ITGB1: variants seen among roughly 807,000 people sequenced by gnomAD.
The protein encoded by ITGB1 is integrin subunit beta 1.
In ITGB1, 24 loss-of-function variants were observed where a neutral mutation model predicts 86.5. The ratio of observed to expected loss-of-function variants is 0.28; its 90% confidence interval spans 0.20 to 0.39. ITGB1 has a LOEUF of 0.39. Ranked by LOEUF, ITGB1 falls within the 10% of genes least tolerant of loss-of-function variation. The pLI, the probability that ITGB1 is intolerant of heterozygous loss-of-function variation, is 1.00. For synonymous variants in ITGB1, 323 were observed against 316.8 expected, an observed-to-expected ratio of 1.02 and a Z score of -0.21; for missense variants, 556 against 946.9, an observed-to-expected ratio of 0.59 and a Z score of 5.42.
At chr10:32,909,081 A>G (rs2094905498) in intron 14 of ITGB1, among the ~76,000 whole-genome samples, 2 of 152,212 alleles carry the variant, frequency 1.3e-5, no homozygotes, top group African/African-American at 4.8e-5. Context: ...AGTGTCTCAA[A>G]AACACTTTTG....
chr10:32,910,317 A>G lies in ITGB1; in HGVS notation c.2070T>C (p.His690=), dbSNP rs555032553. The change falls in exon 14 of 16, where the codon CAT becomes CAC. Residue 690 remains histidine (H), a synonymous_variant. Coordinates refer to ENST00000302278, the MANE Select transcript of ITGB1 (RefSeq NM_002211.4). ...AGTCGTCAACATCCTTCTCCTTACA[A>G]TGGGACACAGGATCAGGTTGGACCG... is the stretch of plus-strand genomic sequence containing the variant. ...PQPVQPDPVS[H]CKEKDVDDCW... 34 of 1,602,276 alleles carry G rather than the reference A, an allele frequency of 2.1e-5. No individual in the cohort carries two copies. Among genetic ancestry groups the G allele is most frequent in the Admixed American group, 3.3e-5 (2 of 59,854 alleles).
chr10:32,913,630 GAA>G (rs2094921258), intron 11 of ITGB1, among the ~76,000 whole-genome samples: 1 of 152,182 alleles, frequency 6.6e-6, no homozygotes. Context: ...AGAGTAAAAA[GAA>G]ACGAACAAAG....
At chr10:32,947,693 T>G (rs1437733675) in intron 1 of ITGB1, among the ~76,000 whole-genome samples, 1 of 152,184 alleles carries the variant, frequency 6.6e-6, no homozygotes, top group African/African-American at 2.4e-5. Context: ...GGAGATACTC[T>G]GAGGTATCAA....
At chr10:32,919,807 T>C (rs2137196118) in intron 11 of ITGB1, 78 bp downstream of exon 11, 11 of 1,265,828 alleles carry the variant, frequency 8.7e-6, no homozygotes, top group East Asian at 2.3e-5. Context: ...AGATATTCTC[T>C]GGATGTCCCA....
chr10:32,901,554 T>C lies in ITGB1; in HGVS notation c.*16A>G. ...CTACTTTGCATTCAGTGTTGTGGGA[T>C]TTGCACGGGCAGTACTCATTTTCCC... On this transcript the variant is annotated 3_prime_UTR_variant, in exon 16 of 16. Transcript: ENST00000302278. 1 of 1,512,482 alleles carries C rather than the reference T, an allele frequency of 6.6e-7. No homozygotes were observed. The highest frequency in any genetic ancestry group is 2.3e-5 in the East Asian group (1 of 44,250). The allele number at this position is 1,512,482 out of a possible 1,614,324, so 93.7% of individuals were successfully genotyped here.
In ITGB1 at chr10:32,910,335, T is replaced by C. The variant is rs61757100; in HGVS notation, c.2052A>G (p.Gln684=). The C allele has an allele frequency of 6.2e-6, 10 of 1,601,370 alleles. No homozygotes were observed. Among genetic ancestry groups the C allele is most frequent in the South Asian group, 1.1e-5 (1 of 90,804 alleles). ...CCTTACAATGGGACACAGGATCAGG[T>C]TGGACCGGCTGGGGTAATTTGTCCC... ...ESRDKLPQPV[Q]PDPVSHCKEK... Residue 684 remains glutamine, a synonymous_variant, in exon 14 of 16, where the codon CAA becomes CAG. Transcript: ENST00000302278.
intron 15 of ITGB1, chr10:32,907,178 C>CA: frequency 1.1e-6 from 1 of 922,536 alleles, no homozygotes; most frequent in Admixed American, 2.3e-5. Context: ...ATGATTTCAT[C>CA]AGAAAAAAAA....
intron 15 of ITGB1, among the ~76,000 whole-genome samples, chr10:32,905,297 C>G (rs1004804777): frequency 6.6e-6 from 1 of 152,186 alleles, no homozygotes; most frequent in African/African-American, 2.4e-5. Flanking sequence ...TCCTATATCA[C>G]TTGTAACTAT....
chr10:32,933,846 T>C (rs557905392), intron 2 of ITGB1, among the ~76,000 whole-genome samples: 3 of 152,284 alleles, frequency 2.0e-5, no homozygotes, highest in African/African-American at 7.2e-5. Context: ...AAATTCTTTT[T>C]AAAAAGAATT....
chr10:32,950,258 T>C (rs1289951825), intron 1 of ITGB1, among the ~76,000 whole-genome samples: 1 of 152,102 alleles, frequency 6.6e-6, no homozygotes, highest in Admixed American at 6.5e-5. Context: ...AGAGCCAAAT[T>C]GAAAGACATG....
At chr10:32,937,292 C>T (rs1272708090) in intron 1 of ITGB1, among the ~76,000 whole-genome samples, 1 of 152,188 alleles carries the variant, frequency 6.6e-6, no homozygotes, top group African/African-American at 2.4e-5. Context: ...AGTGCAGTGG[C>T]TCACGCCTGT....
chr10:32,914,348 C>T (rs2094924760), intron 11 of ITGB1, among the ~76,000 whole-genome samples: 1 of 152,026 alleles, frequency 6.6e-6, no homozygotes, highest in Non-Finnish European at 1.5e-5. Flanking sequence ...CAAAATGCTC[C>T]AATTAAAAGA....
intron 4 of ITGB1, among the ~76,000 whole-genome samples, chr10:32,928,752 A>T (rs1283592825): frequency 6.6e-6 from 1 of 150,666 alleles, no homozygotes; most frequent in Non-Finnish European, 1.5e-5. Flanking sequence ...ATTATTATTT[A>T]TTATTTATTA....
At chr10:32,924,752 G>C (rs3780873) in intron 6 of ITGB1, among the ~76,000 whole-genome samples, 2 of 152,104 alleles carry the variant, frequency 1.3e-5, no homozygotes, top group South Asian at 4.1e-4. Context: ...TACTTGCTTC[G>C]GCTATAACAG....
rs1401261988 is a variant in ITGB1 at position 32,922,259 on chromosome 10, T to C, written c.1126A>G (p.Asn376Asp). 1.9e-6 allele frequency: 3 copies of C among 1,559,694 alleles called. No individual in the cohort carries two copies. The highest frequency in any genetic ancestry group is 1.7e-5 in the Admixed American group (1 of 58,494). The change falls in exon 9 of 16, where the codon AAT becomes GAT. Residue 376 changes from asparagine (N) to aspartate (D), a missense_variant and splice_region_variant. By Grantham distance (23) the Asn-to-Asp change is conservative. Around this residue, in one of 4 missense-constraint regions of ITGB1, gnomAD observed 330 missense variants for 531.5 expected, o/e 0.62. Transcript: ENST00000302278. ...GATCTTATTTAAGATGTACTCACAT[T>C]GTATGCATCAATGATCAACTGAATT... ...NVIQLIIDAYNSLSSEVILEN... is the reference protein window; with the variant it reads ...NVIQLIIDAYDSLSSEVILEN...
chr10:32,923,564 T>C lies in ITGB1; in HGVS notation c.942+21A>G, dbSNP rs201357440. ...AAATCCAACATAAACACATTCACTA[T>C]GTAAGGAACCAGGCACTTACATAAT... On this transcript the variant is annotated intron_variant, in intron 7 of 15. Transcript: ENST00000302278. 2.5e-6 allele frequency: 4 copies of C among 1,595,186 alleles called. No homozygotes were observed. The African/African-American group carries it at 5.4e-5, about 21-fold the overall frequency.
At chr10:32,925,826 A>T (rs752379382) in intron 6 of ITGB1, 45 bp downstream of exon 6, 2 of 1,145,658 alleles carry the variant, frequency 1.7e-6, no homozygotes, top group Non-Finnish European at 2.6e-6. Flanking sequence ...AAATTCACAC[A>T]CATAATAGAA....
chr10:32,952,596 A>G (rs1298259248), intron 1 of ITGB1, among the ~76,000 whole-genome samples: 1 of 152,214 alleles, frequency 6.6e-6, no homozygotes, highest in African/African-American at 2.4e-5. Flanking sequence ...AGCTTAAGTT[A>G]TTTACATATT....
chr10:32,944,465 C>T (rs1438927374), intron 1 of ITGB1: 16 of 354,628 alleles, frequency 4.5e-5, no homozygotes, highest in Non-Finnish European at 7.6e-5. Flanking sequence ...AGTTGTCGCG[C>T]GTCACCAAAC....
Sources: allele counts gnomAD v4.1 joint callset (sites outside exome capture counted in the v4.1 genomes callset), GRCh38; gene constraint gnomAD v4.1.1; regional missense constraint gnomAD v4.1.1; transcripts MANE v1.5; gene names NCBI Gene and HGNC (gene_info 2026-07-23, HGNC 2026-07-21).